The following LHX4 variants were observed in gnomAD, a reference collection of about 807,000 sequenced individuals.
LHX4 encodes the protein LIM/homeobox protein Lhx4.
Under a neutral mutation model 39.2 loss-of-function variants are expected in LHX4, and 16 were observed. The ratio of observed to expected loss-of-function variants is 0.41; its 90% CI spans 0.28 to 0.62. The LOEUF is 0.62. Ranked by LOEUF, LHX4 falls within the 20% of genes least tolerant of loss-of-function variation. The pLI is 0.33. For synonymous variants in LHX4, 206 were observed against 198.1 expected, an observed-to-expected ratio of 1.04 and a Z score of -0.33; for missense variants, 439 against 511.9, an observed-to-expected ratio of 0.86 and a Z score of 1.37.
At chr1:180,256,758 G>C (rs74132419) in intron 2 of LHX4, among the ~76,000 whole-genome samples, 11,831 of 152,204 alleles carry the variant, frequency 0.078, 518 homozygotes, top group African/African-American at 0.1. Context: ...CCCCCGATGC[G>C]TCTCCCGCTC....
At chr1:180,247,984 C>T (rs1252724098) in intron 1 of LHX4, among the ~76,000 whole-genome samples, 1 of 152,210 alleles carries the variant, frequency 6.6e-6, no homozygotes, top group Non-Finnish European at 1.5e-5. Context: ...AATGGGTTAG[C>T]TGCTGCTGCT....
chr1:180,271,323 G>A (rs569311696), intron 3 of LHX4, 57 bp from the exon 4 acceptor site: 3 of 1,594,512 alleles, frequency 1.9e-6, no homozygotes, highest in Non-Finnish European at 2.6e-6. Flanking sequence ...GGGTGTGGGA[G>A]GAGGCGCAGC....
intron 2 of LHX4, among the ~76,000 whole-genome samples, chr1:180,260,736 T>G (rs528390062): frequency 6.6e-6 from 1 of 151,838 alleles, no homozygotes; most frequent in Admixed American, 6.5e-5. Flanking sequence ...GGGAGCCTCA[T>G]GCAGGGGGCT....
chr1:180,268,980 GTGAA>G (rs1260437838), intron 3 of LHX4, among the ~76,000 whole-genome samples: 1 of 152,178 alleles, frequency 6.6e-6, no homozygotes, highest in Non-Finnish European at 1.5e-5. Flanking sequence ...GCACCTTAGT[GTGAA>G]TGATTTTGTT....
At chr1:180,230,173 C>T, upstream of LHX4, 1 of 375,056 alleles carries the variant, frequency 2.7e-6, no homozygotes, top group Non-Finnish European at 5.0e-6. This position sits in a 1 kb window ranked among gnomAD's most constrained non-coding sequence, Gnocchi z 5.8. Context: ...ATCAAAACGC[C>T]CGGGTGACCG....
At chr1:180,264,634 C>G (rs991513328) in intron 2 of LHX4, among the ~76,000 whole-genome samples, 3 of 152,202 alleles carry the variant, frequency 2.0e-5, no homozygotes, top group African/African-American at 7.2e-5. Flanking sequence ...AATATTAACT[C>G]TACTTTCCTG....
Position 180,266,727 on chromosome 1 carries a change from G to A in LHX4, c.451+133G>A. On this transcript the variant is annotated intron_variant, in intron 3 of 5. Transcript: ENST00000263726. The surrounding 1 kb of genome is among the most constrained non-coding windows in gnomAD (Gnocchi z 5.7). ...CCTACTCATGCACCGCCACCTCTGA[G>A]AAGCGTCCCAGATCTCCACACTGAG... 1 of 854,672 alleles carries A rather than the reference G, an allele frequency of 1.2e-6. No homozygotes were observed. The highest frequency in any genetic ancestry group is 1.4e-5 in the South Asian group (1 of 69,576). The allele number at this position is 854,672 out of a possible 1,614,324, so 52.9% of individuals were successfully genotyped here.
At chr1:180,238,846 G>C (rs1042408850) in intron 1 of LHX4, among the ~76,000 whole-genome samples, 3 of 152,144 alleles carry the variant, frequency 2.0e-5, no homozygotes, top group South Asian at 4.1e-4. Context: ...GTTGGGGGGC[G>C]GCACACACCA....
chr1:180,249,416 G>T (rs1647511371), intron 2 of LHX4, among the ~76,000 whole-genome samples: 1 of 152,336 alleles, frequency 6.6e-6, no homozygotes, highest in South Asian at 2.1e-4. Flanking sequence ...AGCCAATGTG[G>T]AGCAGCTGGC....
At chr1:180,235,661 C>A (rs898197876) in intron 1 of LHX4, among the ~76,000 whole-genome samples, 4 of 152,192 alleles carry the variant, frequency 2.6e-5, no homozygotes, top group African/African-American at 9.7e-5. Flanking sequence ...CCTTGACGAG[C>A]GCTGGAAACG....
chr1:180,239,451 A>G (rs1321474289), intron 1 of LHX4, among the ~76,000 whole-genome samples: 2 of 152,270 alleles, frequency 1.3e-5, no homozygotes, highest in African/African-American at 2.4e-5. Context: ...GTCTCCTTTC[A>G]GTTAGTAGTC....
rs565608071 is a variant in LHX4, at chr1:180,255,721, G to A, written c.248+7265G>A. Among the ~76,000 whole-genome samples, 5 of 152,362 alleles carry A rather than the reference G, an allele frequency of 3.3e-5. No homozygotes were observed. In the South Asian group the frequency reaches 1.0e-3, roughly 32 times the overall value. The stretch of plus-strand genomic sequence containing the variant: ...TAAATCAGGAGGTGATGAGTCGGAG[G>A]AGGATTGTCTGCCCGCCCCAGAGCG... On this transcript the variant is annotated intron_variant, in intron 2 of 5. Transcript: ENST00000263726.
chr1:180,264,772 G>C (rs1360619026), intron 2 of LHX4, among the ~76,000 whole-genome samples: 1 of 152,144 alleles, frequency 6.6e-6, no homozygotes, highest in Admixed American at 6.5e-5. Flanking sequence ...CTCTAAATGG[G>C]CCCCATCTCT....
At chr1:180,231,511 C>T (rs1664178869) in intron 1 of LHX4, among the ~76,000 whole-genome samples, 1 of 150,694 alleles carries the variant, frequency 6.6e-6, no homozygotes, top group Non-Finnish European at 1.5e-5. Flanking sequence ...GCGAGAGTCC[C>T]CGAGAGGGAA....
chr1:180,240,758 T>G (rs1216225165), intron 1 of LHX4, among the ~76,000 whole-genome samples: 1 of 152,200 alleles, frequency 6.6e-6, no homozygotes, highest in Non-Finnish European at 1.5e-5. Context: ...TCAGACCTTT[T>G]GATCTCTTCC....
chr1:180,269,299 C>A (rs1438694683), intron 3 of LHX4, among the ~76,000 whole-genome samples: 1 of 152,178 alleles, frequency 6.6e-6, no homozygotes, highest in Non-Finnish European at 1.5e-5. Context: ...GCTCCCTTGG[C>A]CTTCCTCATA....
intron 2 of LHX4, among the ~76,000 whole-genome samples, chr1:180,264,467 C>T (rs357052): frequency 0.078 from 11,882 of 151,400 alleles, 491 homozygotes; most frequent in Middle Eastern, 0.15. Context: ...TGTGGTTACA[C>T]AGCAGTTGTG....
chr1:180,273,541 CAA>C (rs1302199741), intron 5 of LHX4: 2 of 152,506 alleles, frequency 1.3e-5, no homozygotes, highest in African/African-American at 4.8e-5. Context: ...TTTCAAGTGG[CAA>C]AGATTCCATT....
In LHX4 at chr1:180,248,311, C is replaced by G. The variant is rs1260091199; in HGVS notation, c.103C>G (p.Gln35Glu). The G allele has an allele frequency of 6.2e-7, 1 of 1,614,218 alleles. No individual in the cohort carries two copies. The highest frequency in any genetic ancestry group is 1.7e-5 in the Admixed American group (1 of 60,022). ...GATTCCCCAGTGCGCTGGCTGCAAC[C>G]AGCACATCCTGGACAAGTTCATCCT... is the stretch of plus-strand genomic sequence containing the variant. ...QQIPQCAGCN[Q>E]HILDKFILKV... Residue 35 changes from glutamine to glutamate, a missense_variant, in exon 2 of 6, where the codon CAG (glutamine) becomes GAG (glutamate). Physicochemically the swap from Gln to Glu is conservative, Grantham distance 29. Transcript: ENST00000263726.
Sources: allele counts gnomAD v4.1 joint callset (sites outside exome capture counted in the v4.1 genomes callset), GRCh38; gene constraint gnomAD v4.1.1; non-coding constraint Gnocchi (gnomAD v3.1); transcripts MANE v1.5; gene names NCBI Gene and HGNC (gene_info 2026-07-23, HGNC 2026-07-21).